Variants in TTN observed in about 807,000 individuals in gnomAD.
TTN encodes the protein connectin.
In TTN, 1,525 loss-of-function variants were observed where a neutral mutation model predicts 3,223.0. The observed-to-expected ratio is 0.47, with a 90% CI of 0.45 to 0.49. TTN has a LOEUF of 0.49. Ranked by LOEUF, TTN falls within the 20% of genes least tolerant of loss-of-function variation. The pLI is 0.00. For missense variants in TTN, 40,786 were observed against 43,424.0 expected (o/e 0.94, Z 5.40); for synonymous variants, 14,094 against 15,161.0 (o/e 0.93, Z 5.17).
chr2:178,611,005 CATTG>C lies in TTN; in HGVS notation c.51120_51123del (p.Ile17040MetfsTer5). On this transcript the variant is annotated frameshift_variant, in exon 270 of 363. Coordinates refer to ENST00000589042, the MANE Select transcript of TTN (RefSeq NM_001267550.2). LOFTEE classifies it high-confidence loss of function. ...AAAGAATGATTACCTATGACTTTGA[CATTG>C]ATTGAGGCTGTTGCTGAGCCGAGCT... 6.2e-7 allele frequency: 1 copy of C among 1,612,142 alleles called. No homozygotes were observed. Among genetic ancestry groups the C allele is most frequent in the Non-Finnish European group, 8.5e-7 (1 of 1,178,952 alleles).
rs2071755850 is a variant in TTN, at chr2:178,689,439, G to GGCAATTAAAGAAGACAT, written c.31927+59_31928-67dup. 1.2e-5 allele frequency: 19 copies of GGCAATTAAAGAAGACAT among 1,602,276 alleles called. No homozygotes were observed. In the Admixed American group the frequency reaches 2.9e-4, roughly 24 times the overall value. ...CCAAATAAATGAGCAACATAGAAGT[G>GGCAATTAAAGAAGACAT]GCAATTAAAGAAGACATGCAATTAA... On this transcript the variant is annotated intron_variant, in intron 123 of 362. Transcript: ENST00000589042.
In TTN at chr2:178,682,788, C is replaced by G. The variant is rs751526531; in HGVS notation, c.33003G>C (p.Glu11001Asp). The G allele has an allele frequency of 1.2e-6, 2 of 1,612,970 alleles. No homozygotes were observed. Among genetic ancestry groups the G allele is most frequent in the Non-Finnish European group, 1.7e-6 (2 of 1,179,266 alleles). Residue 11001 changes from glutamate to aspartate, a missense_variant, in exon 135 of 363, where the codon GAG becomes GAC. Glu to Asp is a conservative substitution (Grantham distance 45). Transcript: ENST00000589042. ...CATATTCTTCTGTTGGTTCATACTC[C>G]TCAAATTCTTTATAATCATATTCTT... ...EYEEYDYKEF[E>D]EYEPTEEYDQ... is the part of the protein sequence containing the mutation.
chr2:178,710,982 T>C (rs1320851677), intron 97 of TTN, 60 bp from the exon 98 acceptor site: 19 of 1,553,684 alleles, frequency 1.2e-5, no homozygotes, highest in Non-Finnish European at 1.6e-5. Context: ...GTCAGTTTAC[T>C]GAAATAGAAA....
rs1297210935 is a variant in TTN, at chr2:178,546,855, G to T, written c.94573C>A (p.Leu31525Met). ...VTDVTRSTVS[L>M]IWSAPAYDGG... is the part of the protein sequence containing the mutation. Reference sequence around the variant, plus strand: ...TCATACGCTGGGGCAGACCAAATCAGTGATACTGTTGATCTTGTGACATCT... The same window carrying T: ...TCATACGCTGGGGCAGACCAAATCATTGATACTGTTGATCTTGTGACATCT... Residue 31525 changes from leucine (L) to methionine (M), a missense_variant, in exon 341 of 363, where the codon CTG (leucine) becomes ATG (methionine). Leu to Met is a conservative substitution (Grantham distance 15). Coordinates refer to ENST00000589042, the MANE Select transcript of TTN (RefSeq NM_001267550.2). The T allele has an allele frequency of 6.2e-7, 1 of 1,602,142 alleles. No homozygotes were observed. The highest frequency in any genetic ancestry group is 8.5e-7 in the Non-Finnish European group (1 of 1,171,194).
At chr2:178,784,478 C>T (rs1458487584) in intron 15 of TTN, 127 bp from the exon 16 acceptor site, 2 of 1,149,070 alleles carry the variant, frequency 1.7e-6, no homozygotes, top group Non-Finnish European at 2.4e-6. Context: ...CACTCATTAT[C>T]ACACAGTTAA....
At position 178,777,893 on chromosome 2, in the gene TTN, GTGCAGGAGACATCCT is replaced by G. The variant is rs1561311092; in HGVS notation, c.4276_4290del (p.Ala1435_Pro1439del). On this transcript the variant is annotated inframe_deletion, in exon 25 of 363. Coordinates refer to ENST00000589042, the MANE Select transcript of TTN (RefSeq NM_001267550.2). ...GGGGACATTCTTGCAGGGGACATCC[GTGCAGGAGACATCCT>G]TGCAGGTGACATCCGTGCAGGAGAC... 2.2e-5 allele frequency: 36 copies of G among 1,613,836 alleles called. No homozygotes were observed. Among genetic ancestry groups the G allele is most frequent in the Non-Finnish European group, 2.8e-5 (33 of 1,179,842 alleles).
chr2:178,590,324 TG>T lies in TTN; in HGVS notation c.61400del (p.Ala20467GlufsTer10). 6.4e-7 allele frequency: 1 copy of T among 1,570,358 alleles called. No homozygotes were observed. Among genetic ancestry groups the T allele is most frequent in the Non-Finnish European group, 8.6e-7 (1 of 1,158,990 alleles). Reference protein sequence around the residue: ...EPRELAESVIAKDILHPPEVE... With the variant: ...EPRELAESVIXKDILHPPEVE... Reference sequence around the variant, plus strand: ...CTTCTGGAGGATGAAGGATATCTTTTGCAATCACAGATTCTGCTAGTTCTCT... The same window carrying T: ...CTTCTGGAGGATGAAGGATATCTTTTCAATCACAGATTCTGCTAGTTCTCT... On this transcript the variant is annotated frameshift_variant, in exon 304 of 363. Coordinates refer to ENST00000589042, the MANE Select transcript of TTN (RefSeq NM_001267550.2). LOFTEE classifies it high-confidence loss of function.
At chr2:178,648,951 G>A (rs1256978990) in intron 213 of TTN, among the ~76,000 whole-genome samples, 2 of 152,120 alleles carry the variant, frequency 1.3e-5, no homozygotes, top group African/African-American at 4.8e-5. Context: ...CTAATATGAT[G>A]TCTTGTTAAT....
chr2:178,599,212 C>T lies in TTN; in HGVS notation c.56581G>A (p.Ala18861Thr), dbSNP rs368419410. The change falls in exon 290 of 363, where the codon GCC becomes ACC. Residue 18861 changes from alanine (A) to threonine (T), a missense_variant. Transcript: ENST00000589042. ...EGHEYVFRIMAQNKYGIGEPL... is the reference protein window; with the variant it reads ...EGHEYVFRIMTQNKYGIGEPL... ...TCTCCAATGCCATATTTATTCTGGG[C>T]CATGATTCGGAATACATATTCATGG... 5.7e-5 allele frequency: 87 copies of T among 1,522,558 alleles called. No homozygotes were observed. The highest frequency in any genetic ancestry group is 7.5e-5 in the Non-Finnish European group (85 of 1,139,818). 94.3% of individuals were successfully genotyped at this position (1,522,558 alleles called of 1,614,324 possible). A position where few individuals can be genotyped will look rare whatever the true frequency, so the allele number is the denominator to read the frequency against.
At chr2:178,583,307 T>C in intron 312 of TTN, 80 bp from the exon 313 acceptor site, 1 of 1,286,578 alleles carries the variant, frequency 7.8e-7, no homozygotes, top group Non-Finnish European at 1.0e-6. Flanking sequence ...GGGAAATTCA[T>C]ATGCTGCTTC....
Position 178,622,739 on chromosome 2 carries a change from G to C in TTN, c.44844C>G (p.Leu14948=), listed in dbSNP as rs779634944. The part of the protein sequence containing the change: ...VPPHVEFLRP[L]TDLQVREKEM... Reference sequence around the variant, plus strand: ...CTTTTTCTCTAACTTGAAGGTCGGTGAGTGGTCTTAAGAATTCCACATGAG... The same window carrying C: ...CTTTTTCTCTAACTTGAAGGTCGGTCAGTGGTCTTAAGAATTCCACATGAG... Residue 14948 remains leucine, a synonymous_variant, in exon 243 of 363, where the codon CTC becomes CTG. Transcript: ENST00000589042. The C allele has an allele frequency of 1.2e-6, 2 of 1,604,688 alleles. No homozygotes were observed. The highest frequency in any genetic ancestry group is 2.7e-5 in the African/African-American group (2 of 74,606).
rs1575354700 is a variant in TTN at position 178,539,448 on chromosome 2, C to T, written c.98617G>A (p.Glu32873Lys). 5 of 1,613,860 alleles carry T rather than the reference C, an allele frequency of 3.1e-6. No homozygotes were observed. The East Asian group carries it at 1.1e-4, about 36-fold the overall frequency. The change falls in exon 352 of 363, where the codon GAA (glutamate) becomes AAA (lysine). Residue 32873 changes from glutamate to lysine, a missense_variant. Physicochemically the swap from Glu to Lys is moderately conservative, Grantham distance 56. Coordinates refer to ENST00000589042, the MANE Select transcript of TTN (RefSeq NM_001267550.2). ...NVEYHFRVSA[E>K]NQFGISKPLK... The stretch of plus-strand genomic sequence containing the variant: ...GGTTTGCTTATGCCAAACTGGTTTT[C>T]TGCTGAAACACGGAAATGGTATTCT...
At chr2:178,691,941 T>C in intron 121 of TTN, 75 bp downstream of exon 121, 3 of 1,239,282 alleles carry the variant, frequency 2.4e-6, no homozygotes, top group Non-Finnish European at 2.3e-6. Context: ...GGCAGCATAG[T>C]ACATATGAAG....
chr2:178,570,398 C>G lies in TTN; in HGVS notation c.75734G>C (p.Arg25245Thr), dbSNP rs397517701. 2.5e-6 allele frequency: 4 copies of G among 1,613,038 alleles called. No individual in the cohort carries two copies. Among genetic ancestry groups the G allele is most frequent in the Non-Finnish European group, 3.4e-6 (4 of 1,179,602 alleles). Residue 25245 changes from arginine to threonine, a missense_variant, in exon 326 of 363, where the codon AGA becomes ACA. Coordinates refer to ENST00000589042, the MANE Select transcript of TTN (RefSeq NM_001267550.2). ...SDIINYIVER[R>T]ETSRLVWTVV... ...AGTCCAAACTAAGCGGCTGGTTTCT[C>G]TCCTTTCCACAATATAATTTATGAT...
rs2154302041 is a variant in TTN at position 178,722,468 on chromosome 2, C to A, written c.22319G>T (p.Cys7440Phe). Residue 7440 changes from cysteine (C) to phenylalanine (F), a missense_variant, in exon 77 of 363, where the codon TGT becomes TTT. Cys to Phe is a radical substitution (Grantham distance 205, BLOSUM62 -2). Transcript: ENST00000589042. Reference protein sequence around the residue: ...QTVGLPVTLTCRLNGSAPIQV... With the variant: ...QTVGLPVTLTFRLNGSAPIQV... Reference sequence around the variant, plus strand: ...GATGGGTGCAGAGCCATTTAATCGACAAGTGAGTGTAACAGGTAACCCCAC... The same window carrying A: ...GATGGGTGCAGAGCCATTTAATCGAAAAGTGAGTGTAACAGGTAACCCCAC... 1 of 1,613,462 alleles carries A rather than the reference C, an allele frequency of 6.2e-7. No individual in the cohort carries two copies. Among genetic ancestry groups the A allele is most frequent in the East Asian group, 2.2e-5 (1 of 44,858 alleles).
At chr2:178,628,363 T>A (rs531698194) in intron 240 of TTN, among the ~76,000 whole-genome samples, 1 of 152,206 alleles carries the variant, frequency 6.6e-6, no homozygotes, top group African/African-American at 2.4e-5. Flanking sequence ...GCACATTTAA[T>A]AGTATTTCTG....
At position 178,593,556 on chromosome 2, in the gene TTN, CAT is replaced by C. The variant is rs745860761; in HGVS notation, c.58732+10_58732+11del. ...CAAGCATTGAATCACTAAAAAGAAA[CAT>C]AATGCATACTGAAACGATCTTTGGC... On this transcript the variant is annotated intron_variant, in intron 298 of 362. Coordinates refer to ENST00000589042, the MANE Select transcript of TTN (RefSeq NM_001267550.2). 1.9e-6 allele frequency: 3 copies of C among 1,607,878 alleles called. No individual in the cohort carries two copies. Among genetic ancestry groups the C allele is most frequent in the Non-Finnish European group, 2.5e-6 (3 of 1,178,306 alleles).
chr2:178,762,090 T>C (rs559041452), intron 43 of TTN, among the ~76,000 whole-genome samples: 3 of 152,110 alleles, frequency 2.0e-5, no homozygotes, highest in Admixed American at 6.5e-5. Flanking sequence ...CCCAAGAACA[T>C]GGGAGCTTCT....
In TTN at chr2:178,775,991, T is replaced by C; in HGVS notation, c.5873A>G (p.Gln1958Arg). The C allele has an allele frequency of 1.2e-6, 2 of 1,614,182 alleles. No homozygotes were observed. The change falls in exon 28 of 363, where the codon CAG (glutamine) becomes CGG (arginine). Residue 1958 changes from glutamine to arginine, a missense_variant. By Grantham distance (43) the Gln-to-Arg change is conservative (BLOSUM62 1). Coordinates refer to ENST00000589042, the MANE Select transcript of TTN (RefSeq NM_001267550.2). ...TCTATCCACTTTTTGTACTTCAAAC[T>C]GAAGCTTTCCTGGTTCATGTACGTG... ...EFHVHEPGKL[Q>R]FEVQKVDRPV... is the part of the protein sequence containing the mutation.
Sources: gnomAD v4.1 joint callset for allele counts (sites outside exome capture counted in the v4.1 genomes callset) on GRCh38, gnomAD v4.1.1 for gene constraint, MANE v1.5 for transcripts, NCBI Gene and HGNC (gene_info 2026-07-23, HGNC 2026-07-21) for gene names.